MARCHF11: variants seen among roughly 807,000 people sequenced by gnomAD.
MARCHF11 encodes E3 ubiquitin-protein ligase MARCHF11.
Under a neutral mutation model 37.3 loss-of-function variants are expected in MARCHF11, and 29 were observed. That is an observed-to-expected ratio of 0.78 (90% confidence interval 0.58 to 1.06). MARCHF11 has a LOEUF of 1.06. MARCHF11 is among the 50% of genes least tolerant of loss of function. The probability of loss-of-function intolerance (pLI) is 0.00; values close to 1 mark genes in which losing one functional copy is unlikely to be tolerated. For missense variants in MARCHF11, 482 were observed against 533.4 expected, an observed-to-expected ratio of 0.90 and a Z score of 0.95; for synonymous variants, 233 against 228.0, an observed-to-expected ratio of 1.02 and a Z score of -0.20.
At chr5:16,136,946 T>A (rs1444647889) in intron 2 of MARCHF11, among the ~76,000 whole-genome samples, 2 of 152,150 alleles carry the variant, frequency 1.3e-5, no homozygotes, top group Non-Finnish European at 2.9e-5. Flanking sequence ...ACAAAAGTTA[T>A]CTAATCTAAA....
intron 2 of MARCHF11, among the ~76,000 whole-genome samples, chr5:16,176,863 C>T (rs149089200): frequency 2.6e-4 from 40 of 152,160 alleles, no homozygotes; most frequent in African/African-American, 9.4e-4. Context: ...TTCTATTACT[C>T]CTTTGTCTCT....
chr5:16,154,930 GTATC>G (rs1560990738), intron 2 of MARCHF11, among the ~76,000 whole-genome samples: 2 of 151,794 alleles, frequency 1.3e-5, no homozygotes, highest in Admixed American at 6.6e-5. Context: ...CAATTTGGAA[GTATC>G]TATCAAAAGT....
At chr5:16,107,710 C>T (rs1405204193) in intron 2 of MARCHF11, among the ~76,000 whole-genome samples, 1 of 151,934 alleles carries the variant, frequency 6.6e-6, no homozygotes, top group African/African-American at 2.4e-5. Context: ...ATCCTGTACC[C>T]ATATAAATAC....
intron 2 of MARCHF11, among the ~76,000 whole-genome samples, chr5:16,103,693 A>T (rs1266466888): frequency 1.3e-5 from 2 of 152,194 alleles, no homozygotes; most frequent in Admixed American, 6.5e-5. Context: ...GACCAATAGC[A>T]TATGGCAGAA....
intron 3 of MARCHF11, among the ~76,000 whole-genome samples, chr5:16,085,779 C>T (rs1459577212): frequency 2.0e-5 from 3 of 151,442 alleles, no homozygotes; most frequent in East Asian, 1.9e-4. Flanking sequence ...GGTGAAACCC[C>T]GTCTCTACTA....
intron 2 of MARCHF11, among the ~76,000 whole-genome samples, chr5:16,152,401 A>G (rs1737903603): frequency 6.6e-6 from 1 of 152,048 alleles, no homozygotes; most frequent in South Asian, 2.1e-4. Flanking sequence ...ATCAATATCC[A>G]TGTTACAAAC....
At chr5:16,162,359 C>CTCTT (rs1738095147) in intron 2 of MARCHF11, among the ~76,000 whole-genome samples, 1 of 151,952 alleles carries the variant, frequency 6.6e-6, no homozygotes, top group Non-Finnish European at 1.5e-5. Flanking sequence ...ATATTGACCT[C>CTCTT]TCCAGTTCAC....
intron 1 of MARCHF11, among the ~76,000 whole-genome samples, chr5:16,178,237 A>C (rs776079369): frequency 7.9e-5 from 12 of 152,248 alleles, no homozygotes; most frequent in Non-Finnish European, 1.6e-4. Context: ...GCTAAAGAAG[A>C]AACGCATGGC....
chr5:16,125,619 C>CTCTG (rs1271371912), intron 2 of MARCHF11, among the ~76,000 whole-genome samples: 28 of 142,364 alleles, frequency 2.0e-4, no homozygotes, highest in African/African-American at 6.4e-4. Context: ...GGCACACTCT[C>CTCTG]TGTGTGTGTG....
chr5:16,169,675 G>A (rs1738226404), intron 2 of MARCHF11, among the ~76,000 whole-genome samples: 1 of 152,090 alleles, frequency 6.6e-6, no homozygotes, highest in East Asian at 1.9e-4. Context: ...TGAATTATGA[G>A]TTATTCTCAC....
At chr5:16,142,013 T>C (rs1352955620) in intron 2 of MARCHF11, among the ~76,000 whole-genome samples, 2 of 152,184 alleles carry the variant, frequency 1.3e-5, no homozygotes, top group Non-Finnish European at 2.9e-5. Flanking sequence ...CAACCCATGG[T>C]TTCCACATAA....
intron 2 of MARCHF11, among the ~76,000 whole-genome samples, chr5:16,133,603 A>C (rs1737556203): frequency 6.6e-6 from 1 of 152,110 alleles, no homozygotes; most frequent in Non-Finnish European, 1.5e-5. Flanking sequence ...AAATAGAAAC[A>C]AAAAATGTTA....
intron 3 of MARCHF11, among the ~76,000 whole-genome samples, chr5:16,075,414 G>C (rs1736500669): frequency 6.6e-6 from 1 of 152,178 alleles, no homozygotes; most frequent in Non-Finnish European, 1.5e-5. Flanking sequence ...ACTCTACACA[G>C]AAAATATCTG....
At chr5:16,109,103 T>TACACACACACACACACAC (rs3031633) in intron 2 of MARCHF11, among the ~76,000 whole-genome samples, 200 of 141,408 alleles carry the variant, frequency 1.4e-3, no homozygotes, top group African/African-American at 4.9e-3. Context: ...ACATAAGAAA[T>TACACACACACACACACAC]ACACACACAC....
intron 2 of MARCHF11, among the ~76,000 whole-genome samples, chr5:16,096,158 A>T (rs1162391703): frequency 6.6e-6 from 1 of 152,210 alleles, no homozygotes. Context: ...TCTGAAAGGA[A>T]AAACAACACG....
At chr5:16,171,287 G>A (rs1056957586) in intron 2 of MARCHF11, among the ~76,000 whole-genome samples, 3 of 126,746 alleles carry the variant, frequency 2.4e-5, no homozygotes, top group East Asian at 2.4e-4. Flanking sequence ...AGTTGCCACC[G>A]TTTTCTAAAT....
In MARCHF11 at chr5:16,067,780, A is replaced by G. The variant is rs762342986; in HGVS notation, c.900T>C (p.His300=). Residue 300 remains histidine, a synonymous_variant, in exon 4 of 4, where the codon CAT becomes CAC. Coordinates refer to ENST00000332432, the MANE Select transcript of MARCHF11 (RefSeq NM_001102562.3). The part of the protein sequence containing the change: ...MDLVCIGLIV[H]EGAAVYRVFK... ...ACACTCTGTAAACTGCAGCTCCTTC[A>G]TGAACAATGAGACCTAAAATTTGAG... 3.1e-5 allele frequency: 50 copies of G among 1,609,736 alleles called. No individual in the cohort carries two copies. The highest frequency in any genetic ancestry group is 5.0e-5 in the Admixed American group (3 of 59,670).
Position 16,150,605 on chromosome 5 carries a change from G to A in MARCHF11, c.693+27121C>T, listed in dbSNP as rs143868991. Among the ~76,000 whole-genome samples, 10 of 137,096 alleles carry A rather than the reference G, an allele frequency of 7.3e-5. 4 individuals carry two copies. Among genetic ancestry groups the A allele is most frequent in the Middle Eastern group, 3.5e-3 (1 of 288 alleles). 89.9% of individuals were successfully genotyped at this position (137,096 alleles called of 152,430 possible). A position where few individuals can be genotyped will look rare whatever the true frequency, so the allele number is the denominator to read the frequency against. ...TGCGGTACATTCATGGTTTTTATCCGGTATTAGTTACTCTCCTATAGCTAG... is the reference window on the plus strand; with the variant it reads ...TGCGGTACATTCATGGTTTTTATCCAGTATTAGTTACTCTCCTATAGCTAG... On this transcript the variant is annotated intron_variant, in intron 2 of 3. Transcript: ENST00000332432.
chr5:16,071,887 T>C (rs1736443235), intron 3 of MARCHF11, among the ~76,000 whole-genome samples: 2 of 152,224 alleles, frequency 1.3e-5, no homozygotes, highest in East Asian at 1.9e-4. Context: ...CAAAGAGCTT[T>C]ACACGCACAA....
Sources: allele counts gnomAD v4.1 joint callset (sites outside exome capture counted in the v4.1 genomes callset), GRCh38; gene constraint gnomAD v4.1.1; transcripts MANE v1.5; gene names NCBI Gene and HGNC (gene_info 2026-07-23, HGNC 2026-07-21).